SREBF1: variants seen among roughly 807,000 people sequenced by gnomAD.
The protein encoded by SREBF1 is sterol regulatory element-binding protein 1.
A neutral mutation model predicts 100.1 loss-of-function variants in SREBF1; 45 were observed. That is an observed-to-expected ratio of 0.45 (90% CI 0.35 to 0.58). SREBF1 has a LOEUF of 0.58. SREBF1 is among the 20% of genes least tolerant of loss of function. The pLI is 0.00. For missense variants in SREBF1, 1,324 were observed against 1,539.4 expected (o/e 0.86, Z 2.34); for synonymous variants, 657 against 681.8 (o/e 0.96, Z 0.57).
intron 6 of SREBF1, 160 bp downstream of exon 6, chr17:17,818,100 G>A (rs748424877): frequency 1.0e-5 from 8 of 768,050 alleles, no homozygotes; most frequent in African/African-American, 3.6e-5. Flanking sequence ...GTAACCAAGG[G>A]ACTAGAGCTG....
Position 17,824,760 on chromosome 17 carries a change from G to A in SREBF1, c.92-4239C>T, listed in dbSNP as rs1291602980. On this transcript the variant is annotated intron_variant, in intron 1 of 18. Coordinates refer to ENST00000261646, the MANE Select transcript of SREBF1 (RefSeq NM_004176.5). This position sits in a 1 kb window ranked among gnomAD's most constrained non-coding sequence, Gnocchi z 4.2. Reference sequence around the variant, plus strand: ...TGCCTGAACCCTGGGCAGACCCAGCGACTCAGCAGTCCATTGGGGGCTGGG... The same window carrying A: ...TGCCTGAACCCTGGGCAGACCCAGCAACTCAGCAGTCCATTGGGGGCTGGG... Among the ~76,000 whole-genome samples the A allele has an allele frequency of 1.3e-5, 2 of 152,190 alleles. No homozygotes were observed. The highest frequency in any genetic ancestry group is 1.5e-5 in the Non-Finnish European group (1 of 68,042).
intron 1 of SREBF1, among the ~76,000 whole-genome samples, chr17:17,826,274 G>A (rs1453716848): frequency 6.6e-6 from 1 of 151,216 alleles, no homozygotes; most frequent in African/African-American, 2.4e-5. Context: ...ATTACCATTC[G>A]ACTGAGTCTT....
intron 16 of SREBF1, 30 bp from the exon 17 acceptor site, chr17:17,813,799 C>A: frequency 6.5e-7 from 1 of 1,534,486 alleles, no homozygotes; most frequent in Non-Finnish European, 8.7e-7. Flanking sequence ...CAGGGGTCAC[C>A]AGGGCTCCAG....
chr17:17,811,654 C>T lies in SREBF1; in HGVS notation c.*968G>A, dbSNP rs2032859759. 2.2e-6 allele frequency: 1 copy of T among 449,068 alleles called. No individual in the cohort carries two copies. The highest frequency in any genetic ancestry group is 1.6e-5 in the South Asian group (1 of 63,788). The allele number at this position is 449,068 out of a possible 1,614,324, so 27.8% of individuals were successfully genotyped here. A position where few individuals can be genotyped will look rare whatever the true frequency, so the allele number is the denominator to read the frequency against. ...GGTCGGGAGGGAGGAGGCTTCTTTG[C>T]TGTGAGATGACCAGGGGCCGGGATG... On this transcript the variant is annotated 3_prime_UTR_variant, in exon 19 of 19. Transcript: ENST00000261646.
chr17:17,814,920 G>A lies in SREBF1; in HGVS notation c.2517C>T (p.Tyr839=), dbSNP rs1292447533. 2 of 1,573,212 alleles carry A rather than the reference G, an allele frequency of 1.3e-6. No homozygotes were observed. Among genetic ancestry groups the A allele is most frequent in the Non-Finnish European group, 1.7e-6 (2 of 1,159,642 alleles). ...GDKEFSDALG[Y]LQLLNSCSDA... The stretch of plus-strand genomic sequence containing the variant: ...CAGAACAGCTGTTCAGCAGCTGCAG[G>A]TACCCGAGGGCATCCGAGAATTCCC... The change falls in exon 14 of 19, where the codon TAC becomes TAT. Residue 839 remains tyrosine, a synonymous_variant. Coordinates refer to ENST00000261646, the MANE Select transcript of SREBF1 (RefSeq NM_004176.5).
chr17:17,834,838 C>T (rs2035130483), intron 1 of SREBF1, among the ~76,000 whole-genome samples: 1 of 152,154 alleles, frequency 6.6e-6, no homozygotes, highest in Non-Finnish European at 1.5e-5. Flanking sequence ...CACAGTGAAA[C>T]CCCGTCTCTA....
At chr17:17,827,231 T>A (rs1417392378) in intron 1 of SREBF1, among the ~76,000 whole-genome samples, 1 of 152,182 alleles carries the variant, frequency 6.6e-6, no homozygotes, top group Non-Finnish European at 1.5e-5. Flanking sequence ...TGGTCTGTCA[T>A]CTGAGCCAAG....
At chr17:17,813,897 G>T in intron 16 of SREBF1, 128 bp from the exon 17 acceptor site, 3 of 1,000,722 alleles carry the variant, frequency 3.0e-6, no homozygotes, top group Non-Finnish European at 4.5e-6. Context: ...TCACACACGT[G>T]CAATGCAACA....
intron 16 of SREBF1, 140 bp from the exon 17 acceptor site, chr17:17,813,909 C>T (rs1202893363): frequency 1.1e-6 from 1 of 922,276 alleles, no homozygotes; most frequent in Admixed American, 2.3e-5. Context: ...AATGCAACAG[C>T]AATGCACCGC....
Position 17,812,539 on chromosome 17 carries a change from C to T in SREBF1, c.*83G>A. The T allele has an allele frequency of 3.6e-6, 5 of 1,402,848 alleles. No homozygotes were observed. In the South Asian group the frequency reaches 3.7e-5, roughly 10 times the overall value. 86.9% of individuals were successfully genotyped at this position (1,402,848 alleles called of 1,614,324 possible). On this transcript the variant is annotated 3_prime_UTR_variant, in exon 19 of 19. Coordinates refer to ENST00000261646, the MANE Select transcript of SREBF1 (RefSeq NM_004176.5). ...CCAGAGTCTCTTGCACTGCCTTCGG[C>T]CTTCAAAGCTTCGACGCAGGACAGA...
At position 17,812,062 on chromosome 17, in the gene SREBF1, GAC is replaced by G. The variant is rs1188807283; in HGVS notation, c.*558_*559del. ...CTAGTCAGCACATCCATCAGCTGAA[GAC>G]ACAAAACCCAGATTATAAATAATTT... On this transcript the variant is annotated 3_prime_UTR_variant, in exon 19 of 19. Transcript: ENST00000261646. The G allele has an allele frequency of 2.3e-6, 1 of 438,298 alleles. No individual in the cohort carries two copies. 27.2% of individuals were successfully genotyped at this position (438,298 alleles called of 1,614,324 possible).
In SREBF1 at chr17:17,820,540, G is replaced by A; in HGVS notation, c.92-19C>T. ...AGCATGTCTGTGAAAAGGAGAAGAG[G>A]GTGCGTGAGTGAGGCAGAGACTGAC... On this transcript the variant is annotated intron_variant, in intron 1 of 18. Coordinates refer to ENST00000261646, the MANE Select transcript of SREBF1 (RefSeq NM_004176.5). 1 of 1,612,532 alleles carries A rather than the reference G, an allele frequency of 6.2e-7. No homozygotes were observed. Among genetic ancestry groups the A allele is most frequent in the Non-Finnish European group, 8.5e-7 (1 of 1,179,712 alleles).
chr17:17,820,837 AGACTGCAGACTTCAGAGCCT>A (rs1444087131), intron 1 of SREBF1: 1 of 437,820 alleles, frequency 2.3e-6, no homozygotes, highest in Non-Finnish European at 4.3e-6. Flanking sequence ...GTCGGGCCCA[AGACTGCAGACTTCAGAGCCT>A]GAGCTCTTCC....
At chr17:17,821,267 T>C (rs1430391693) in intron 1 of SREBF1, among the ~76,000 whole-genome samples, 3 of 151,910 alleles carry the variant, frequency 2.0e-5, no homozygotes, top group Non-Finnish European at 1.5e-5. Flanking sequence ...CTCTCCACAG[T>C]CCATCACCCC....
At chr17:17,815,019 A>T in intron 13 of SREBF1, 75 bp from the exon 14 acceptor site, 1 of 1,401,602 alleles carries the variant, frequency 7.1e-7, no homozygotes, top group Non-Finnish European at 9.9e-7. Flanking sequence ...TGCCCTCCAG[A>T]GTACAGCCTG....
Position 17,820,377 on chromosome 17 carries a change from A to G in SREBF1, c.236T>C (p.Leu79Ser), listed in dbSNP as rs551317529. The part of the protein sequence containing the change: ...PGSLSPPPAT[L>S]SSSLEAFLSG... ...CAGGAAGGCTTCAAGAGAGGAGCTCAATGTGGCAGGAGGTGGAGACAAGCT... is the reference window on the plus strand; with the variant it reads ...CAGGAAGGCTTCAAGAGAGGAGCTCGATGTGGCAGGAGGTGGAGACAAGCT... Residue 79 changes from leucine to serine, a missense_variant, in exon 2 of 19, where the codon TTG (leucine) becomes TCG (serine). Coordinates refer to ENST00000261646, the MANE Select transcript of SREBF1 (RefSeq NM_004176.5). The G allele has an allele frequency of 6.2e-7, 1 of 1,612,438 alleles. No homozygotes were observed. The highest frequency in any genetic ancestry group is 1.7e-5 in the Admixed American group (1 of 60,000).
At position 17,812,618 on chromosome 17, in the gene SREBF1, G is replaced by T; in HGVS notation, c.*4C>A. On this transcript the variant is annotated 3_prime_UTR_variant, in exon 19 of 19. Coordinates refer to ENST00000261646, the MANE Select transcript of SREBF1 (RefSeq NM_004176.5). ...CAGGGGTGCTGAGGCCGGGGACACG[G>T]GGTCTAGCTGGAAGTGACAGTGGTC... 6.3e-7 allele frequency: 1 copy of T among 1,598,644 alleles called. No individual in the cohort carries two copies. The highest frequency in any genetic ancestry group is 2.3e-5 in the East Asian group (1 of 44,144).
At chr17:17,834,260 T>A (rs1239566727) in intron 1 of SREBF1, among the ~76,000 whole-genome samples, 1 of 152,178 alleles carries the variant, frequency 6.6e-6, no homozygotes, top group African/African-American at 2.4e-5. Flanking sequence ...ACCCAGCTAA[T>A]TTTTTATTTT....
At chr17:17,825,356 C>CT (rs1252785161) in intron 1 of SREBF1, among the ~76,000 whole-genome samples, 1 of 152,148 alleles carries the variant, frequency 6.6e-6, no homozygotes, top group African/African-American at 2.4e-5. Flanking sequence ...CGGTTGCTCT[C>CT]TGAGCCCCAG....
Sources: gnomAD v4.1 joint callset for allele counts (sites outside exome capture counted in the v4.1 genomes callset) on GRCh38, gnomAD v4.1.1 for gene constraint, Gnocchi (gnomAD v3.1) non-coding constraint, MANE v1.5 for transcripts, NCBI Gene and HGNC (gene_info 2026-07-23, HGNC 2026-07-21) for gene names.